EGFL6: variants seen among roughly 807,000 people sequenced by gnomAD.
The protein encoded by EGFL6 is EGF like domain multiple 6.
Under a neutral mutation model 43.1 loss-of-function variants are expected in EGFL6, and 42 were observed. The observed-to-expected ratio is 0.98, with a 90% confidence interval of 0.76 to 1.26. The LOEUF (loss-of-function observed/expected upper bound fraction) is 1.26, where lower values mean the gene tolerates loss of function less well. Ranked by LOEUF, EGFL6 falls within the 50% of genes most tolerant of loss-of-function variation. EGFL6 has a pLI of 0.00. For synonymous variants in EGFL6, 164 were observed against 163.2 expected (o/e 1.01, Z -0.04); for missense variants, 429 against 427.8 (o/e 1.00, Z -0.02).
intron 2 of EGFL6, among the ~76,000 whole-genome samples, chrX:13,591,529 A>C (rs929626566): frequency 1.8e-5 from 2 of 112,143 alleles, no homozygotes; most frequent in Non-Finnish European, 3.8e-5. Flanking sequence ...TCCAATTTGC[A>C]TGGTCCTTCT....
At chrX:13,579,402 C>A (rs1282577399) in intron 1 of EGFL6, among the ~76,000 whole-genome samples, 1 of 111,298 alleles carries the variant, frequency 9.0e-6, no homozygotes, top group Non-Finnish European at 1.9e-5. Flanking sequence ...CCAGCTCCAC[C>A]CATGTTCTTG....
At chrX:13,628,570 T>C (rs1449465487) in intron 11 of EGFL6, among the ~76,000 whole-genome samples, 2 of 110,639 alleles carry the variant, frequency 1.8e-5, no homozygotes, top group East Asian at 5.7e-4. Flanking sequence ...TCCCAACACT[T>C]TGGGAGGCCG....
chrX:13,586,201 C>T (rs772988041), intron 1 of EGFL6, among the ~76,000 whole-genome samples: 1 of 111,401 alleles, frequency 9.0e-6, no homozygotes, highest in African/African-American at 3.3e-5. Context: ...TGCTACTTCT[C>T]AAGCATTAGG....
rs1263091065 is a variant in EGFL6 at position 13,628,464 on chromosome X, A to T, written c.1551+1188A>T. Reference sequence around the variant, plus strand: ...GGGTCGAAGGTCACACTTCAGAAAGATGAAAAGAGAAGGGATCAGAGCCTT... The same window carrying T: ...GGGTCGAAGGTCACACTTCAGAAAGTTGAAAAGAGAAGGGATCAGAGCCTT... On this transcript the variant is annotated intron_variant, in intron 11 of 11. Transcript: ENST00000361306. Among the ~76,000 whole-genome samples the T allele has an allele frequency of 2.7e-5, 3 of 110,650 alleles. No individual in the cohort carries two copies. In the Admixed American group the frequency reaches 2.9e-4, roughly 11 times the overall value.
rs768940113 is a variant in EGFL6 at position 13,606,400 on chromosome X, G to C, written c.542G>C (p.Gly181Ala). 3.3e-6 allele frequency: 4 copies of C among 1,209,220 alleles called. No homozygotes were observed. The African/African-American group carries it at 7.0e-5, about 21-fold the overall frequency. ...CTAGATATTGATGAATGTGCCTCTG[G>C]TAAAGTCATCTGTCCCTACAATCGA... ...DCLDIDECASGKVICPYNRRC... is the reference protein window; with the variant it reads ...DCLDIDECASAKVICPYNRRC... Residue 181 changes from glycine (G) to alanine (A), a missense_variant, in exon 6 of 12, where the codon GGT becomes GCT. Physicochemically the swap from Gly to Ala is moderately conservative, Grantham distance 60. Coordinates refer to ENST00000361306, the MANE Select transcript of EGFL6 (RefSeq NM_015507.4).
chrX:13,613,602 C>A (rs2045704037), intron 7 of EGFL6, among the ~76,000 whole-genome samples: 1 of 111,477 alleles, frequency 9.0e-6, no homozygotes, highest in African/African-American at 3.3e-5. Flanking sequence ...AGTTTCCACA[C>A]CTGCAAAATA....
At chrX:13,615,021 G>A (rs1602655175) in intron 7 of EGFL6, among the ~76,000 whole-genome samples, 1 of 112,028 alleles carries the variant, frequency 8.9e-6, no homozygotes, top group East Asian at 2.8e-4. Context: ...CAAAGTGCTG[G>A]GATTACAGGC....
chrX:13,582,153 C>G (rs1456112824), intron 1 of EGFL6, among the ~76,000 whole-genome samples: 1 of 109,199 alleles, frequency 9.2e-6, no homozygotes, highest in Non-Finnish European at 1.9e-5. Flanking sequence ...AGCTCTGACT[C>G]CCGGGTTCAC....
chrX:13,582,559 T>C (rs1363119597), intron 1 of EGFL6, among the ~76,000 whole-genome samples: 3 of 111,169 alleles, frequency 2.7e-5, no homozygotes, highest in Non-Finnish European at 3.8e-5. Context: ...GTGTTAGTCA[T>C]TAACATTTGG....
At chrX:13,583,969 G>A (rs947690187) in intron 1 of EGFL6, among the ~76,000 whole-genome samples, 2 of 111,973 alleles carry the variant, frequency 1.8e-5, no homozygotes, top group African/African-American at 6.5e-5. Context: ...CAACACATCT[G>A]ATAATATTAA....
At position 13,627,062 on chromosome X, in the gene EGFL6, T is replaced by G. The variant is rs146597229; in HGVS notation, c.1337T>G (p.Ile446Ser). Residue 446 changes from isoleucine (I) to serine (S), a missense_variant, in exon 11 of 12, where the codon ATT becomes AGT. Physicochemically the swap from Ile to Ser is moderately radical, Grantham distance 142 (BLOSUM62 -2). Transcript: ENST00000361306. ...VPALAGHKKD[I>S]GRLKLLLPDL... ...GCCTTGGCAGGTCACAAGAAAGACA[T>G]TGGCCGATTGAAACTTCTCCTACCT... is the stretch of plus-strand genomic sequence containing the variant. 1 of 1,210,792 alleles carries G rather than the reference T, an allele frequency of 8.3e-7. No individual in the cohort carries two copies. The highest frequency in any genetic ancestry group is 1.7e-5 in the African/African-American group (1 of 57,386).
intron 11 of EGFL6, 39 bp from the exon 12 acceptor site, chrX:13,632,946 C>G (rs779005480): frequency 1.8e-6 from 2 of 1,124,225 alleles, no homozygotes; most frequent in Middle Eastern, 2.4e-4. Context: ...TTGTTTTGAA[C>G]AGTTTGGAGT....
intron 1 of EGFL6, 37 bp from the exon 2 acceptor site, chrX:13,589,519 A>G (rs746568236): frequency 8.2e-6 from 9 of 1,102,685 alleles, no homozygotes; most frequent in African/African-American, 1.8e-5. Context: ...TGTCTTTTCT[A>G]TTTTCTCAAT....
chrX:13,603,625 A>C (rs1032073640), intron 5 of EGFL6, among the ~76,000 whole-genome samples, 189 bp downstream of exon 5: 2 of 112,679 alleles, frequency 1.8e-5, no homozygotes, highest in Non-Finnish European at 3.7e-5. Context: ...ATGCTAAAAA[A>C]CACATTTTTC....
intron 5 of EGFL6, among the ~76,000 whole-genome samples, chrX:13,606,001 A>G (rs754321869): frequency 7.1e-5 from 8 of 111,957 alleles, no homozygotes; most frequent in Non-Finnish European, 1.1e-4. Flanking sequence ...CAAAAATTGT[A>G]TATGTTATAC....
In EGFL6 at chrX:13,619,146, C is replaced by T; in HGVS notation, c.1103-17C>T. ...CTTTAAGGTTTTTTTCTTAACTGAC[C>T]AAGTGTTCTTTATTAGTCCCTAAGG... On this transcript the variant is annotated splice_polypyrimidine_tract_variant and intron_variant, in intron 8 of 11. Transcript: ENST00000361306. 14 of 1,201,803 alleles carry T rather than the reference C, an allele frequency of 1.2e-5. No homozygotes were observed. Among genetic ancestry groups the T allele is most frequent in the Non-Finnish European group, 1.6e-5 (14 of 886,865 alleles).
chrX:13,608,957 C>G (rs940543363), intron 7 of EGFL6, among the ~76,000 whole-genome samples: 1 of 112,576 alleles, frequency 8.9e-6, no homozygotes, highest in East Asian at 2.7e-4. Context: ...GCTGGATCCA[C>G]TTGTTTTAAT....
chrX:13,581,464 A>G (rs2045505549), intron 1 of EGFL6, among the ~76,000 whole-genome samples: 1 of 111,699 alleles, frequency 9.0e-6, no homozygotes, highest in African/African-American at 3.3e-5. Context: ...AATCAAAACC[A>G]CCGCCAACAA....
chrX:13,608,439 G>T lies in EGFL6; in HGVS notation c.771G>T (p.Arg257=), dbSNP rs1229748214. Residue 257 remains arginine (R), a synonymous_variant, in exon 7 of 12, where the codon CGG becomes CGT. Coordinates refer to ENST00000361306, the MANE Select transcript of EGFL6 (RefSeq NM_015507.4). ...AGGGATATAAAGGCAATGGACTTCGGTGTTCTGGTAAGTAGCATTTGGTCA... is the reference window on the plus strand; with the variant it reads ...AGGGATATAAAGGCAATGGACTTCGTTGTTCTGGTAAGTAGCATTTGGTCA... ...CKQGYKGNGL[R]CSAIPENSVK... is the part of the protein sequence containing the mutation. The T allele has an allele frequency of 4.1e-6, 5 of 1,208,952 alleles. No homozygotes were observed. The highest frequency in any genetic ancestry group is 5.6e-6 in the Non-Finnish European group (5 of 894,590).
Sources: gnomAD v4.1 joint callset for allele counts (sites outside exome capture counted in the v4.1 genomes callset) on GRCh38, gnomAD v4.1.1 for gene constraint, MANE v1.5 for transcripts, NCBI Gene and HGNC (gene_info 2026-07-23, HGNC 2026-07-21) for gene names.